ADGRL3: variants seen among roughly 807,000 people sequenced by gnomAD.
The protein encoded by ADGRL3 is adhesion G protein-coupled receptor L3, also known as calcium-independent alpha-latrotoxin receptor 3.
A neutral mutation model predicts 153.5 loss-of-function variants in ADGRL3; 62 were observed. The observed-to-expected ratio is 0.40, with a 90% confidence interval of 0.33 to 0.50. The LOEUF (loss-of-function observed/expected upper bound fraction) is 0.50. Among genes scored for constraint, ADGRL3 ranks in the 20% least tolerant of loss-of-function variants. The pLI, the probability that ADGRL3 is intolerant of heterozygous loss-of-function variation, is 0.47. For synonymous variants in ADGRL3, 710 were observed against 672.5 expected, an observed-to-expected ratio of 1.06 and a Z score of -0.86; for missense variants, 1,641 against 1,859.4, an observed-to-expected ratio of 0.88 and a Z score of 2.16.
intron 13 of ADGRL3, among the ~76,000 whole-genome samples, chr4:61,924,167 TC>T (rs996499623): frequency 3.3e-5 from 5 of 152,098 alleles, no homozygotes; most frequent in Admixed American, 6.6e-5. Flanking sequence ...CCTTACTTGA[TC>T]AATTAGAAAC....
At chr4:61,913,771 A>C (rs1430523803) in intron 13 of ADGRL3, among the ~76,000 whole-genome samples, 1 of 152,172 alleles carries the variant, frequency 6.6e-6, no homozygotes, top group Non-Finnish European at 1.5e-5. Flanking sequence ...ATAATTAGAA[A>C]GTGACTTAGT....
intron 8 of ADGRL3, among the ~76,000 whole-genome samples, chr4:61,803,527 CTT>C (rs1435883894): frequency 6.6e-6 from 1 of 152,038 alleles, no homozygotes; most frequent in Admixed American, 6.6e-5. Flanking sequence ...TTCACTCACT[CTT>C]TCTTTGCTTT....
chr4:61,474,323 G>GA (rs1477152197), intron 2 of ADGRL3, among the ~76,000 whole-genome samples: 2 of 152,088 alleles, frequency 1.3e-5, no homozygotes, highest in African/African-American at 2.4e-5. Flanking sequence ...GAATGACAGT[G>GA]AAAAAATCAA....
chr4:61,701,336 A>G (rs983480738), intron 6 of ADGRL3, among the ~76,000 whole-genome samples: 2 of 152,118 alleles, frequency 1.3e-5, no homozygotes, highest in African/African-American at 4.8e-5. Context: ...AATATCAGCC[A>G]CACAGTGTAT....
chr4:61,468,981 C>T (rs951925556), intron 2 of ADGRL3, among the ~76,000 whole-genome samples: 4 of 152,132 alleles, frequency 2.6e-5, no homozygotes, highest in Middle Eastern at 3.4e-3. Flanking sequence ...TACCTTGAGC[C>T]GGACTCAGAG....
chr4:61,520,900 T>C (rs1336900165), intron 4 of ADGRL3, among the ~76,000 whole-genome samples: 3 of 152,016 alleles, frequency 2.0e-5, no homozygotes, highest in African/African-American at 7.3e-5. Context: ...TAAGTGACTG[T>C]CAGCCTGAAT....
intron 11 of ADGRL3, among the ~76,000 whole-genome samples, chr4:61,896,186 A>G (rs1315996594): frequency 6.6e-6 from 1 of 152,164 alleles, no homozygotes; most frequent in African/African-American, 2.4e-5. Flanking sequence ...TAATTTTTCA[A>G]AGTCTACCTT....
intron 5 of ADGRL3, among the ~76,000 whole-genome samples, chr4:61,614,744 C>T (rs988053344): frequency 2.0e-5 from 3 of 152,246 alleles, no homozygotes; most frequent in Non-Finnish European, 2.9e-5. Flanking sequence ...ATAGCACCCA[C>T]CCGCATCAGA....
At chr4:61,966,214 C>T (rs2099006045) in intron 17 of ADGRL3, among the ~76,000 whole-genome samples, 1 of 151,946 alleles carries the variant, frequency 6.6e-6, no homozygotes, top group Non-Finnish European at 1.5e-5. Flanking sequence ...TTGTTCAGTA[C>T]CTGGCACATA....
At position 61,861,524 on chromosome 4, in the gene ADGRL3, T is replaced by C. The variant is rs983216452; in HGVS notation, c.1481-31132T>C. On this transcript the variant is annotated intron_variant, in intron 9 of 26. Coordinates refer to ENST00000683033, the MANE Select transcript of ADGRL3 (RefSeq NM_001387552.1). Reference sequence around the variant, plus strand: ...AAATAGATACAAAGATGATACCTTTTGGATTAGGTGGGGTTGTGATTATCT... The same window carrying C: ...AAATAGATACAAAGATGATACCTTTCGGATTAGGTGGGGTTGTGATTATCT... Among the ~76,000 whole-genome samples the C allele has an allele frequency of 2.0e-5, 3 of 152,054 alleles. No homozygotes were observed. In the South Asian group the frequency reaches 6.2e-4, roughly 32 times the overall value.
At chr4:61,286,386 G>T (rs2093944493) in intron 1 of ADGRL3, among the ~76,000 whole-genome samples, 3 of 150,308 alleles carry the variant, frequency 2.0e-5, no homozygotes, top group African/African-American at 2.4e-5. Flanking sequence ...ACCTCATCAT[G>T]CTAGCTAGCT....
rs1428075830 is a variant in ADGRL3, at chr4:61,201,077, C to T, written c.-928C>T. Among the ~76,000 whole-genome samples, 1 of 152,042 alleles carries T rather than the reference C, an allele frequency of 6.6e-6. No homozygotes were observed. The highest frequency in any genetic ancestry group is 1.5e-5 in the Non-Finnish European group (1 of 67,998). On this transcript the variant is annotated 5_prime_UTR_variant, in exon 1 of 27. Transcript: ENST00000683033. ...GAGGACGAAGAGGAGGACGGTTTGG[C>T]GGAGAAGCCACCCCTGGCCCTCGCG...
At chr4:61,306,439 C>T (rs1231462020) in intron 1 of ADGRL3, among the ~76,000 whole-genome samples, 1 of 150,916 alleles carries the variant, frequency 6.6e-6, no homozygotes, top group Non-Finnish European at 1.5e-5. Flanking sequence ...TAAAGATAAG[C>T]AGAGTTAAGA....
At chr4:61,236,012 T>TTC (rs1553882996) in intron 1 of ADGRL3, among the ~76,000 whole-genome samples, 2 of 139,364 alleles carry the variant, frequency 1.4e-5, no homozygotes, top group Non-Finnish European at 3.1e-5. Context: ...TCTTTTCTTT[T>TTC]TTTTTTTTTT....
At chr4:61,420,947 C>A (rs868616401) in intron 2 of ADGRL3, among the ~76,000 whole-genome samples, 4 of 152,102 alleles carry the variant, frequency 2.6e-5, no homozygotes, top group Non-Finnish European at 5.9e-5. Context: ...GGCCTATATT[C>A]AAGTTTTAGC....
intron 9 of ADGRL3, among the ~76,000 whole-genome samples, chr4:61,881,356 A>G (rs1332309710): frequency 6.6e-6 from 1 of 152,166 alleles, no homozygotes; most frequent in African/African-American, 2.4e-5. Flanking sequence ...TAAATTTTCT[A>G]TTTCCAAACA....
chr4:61,820,940 G>A (rs1291274892), intron 9 of ADGRL3, among the ~76,000 whole-genome samples: 5 of 152,122 alleles, frequency 3.3e-5, no homozygotes, highest in Non-Finnish European at 7.4e-5. Context: ...CAATGAAGGT[G>A]GTTGGGTGGG....
At chr4:61,563,814 C>G (rs1196239094) in intron 4 of ADGRL3, among the ~76,000 whole-genome samples, 1 of 152,030 alleles carries the variant, frequency 6.6e-6, no homozygotes, top group African/African-American at 2.4e-5. Flanking sequence ...TTGAGACCAC[C>G]CTGGCCAACA....
chr4:61,690,391 T>C (rs537743575), intron 6 of ADGRL3, among the ~76,000 whole-genome samples: 1 of 151,822 alleles, frequency 6.6e-6, no homozygotes, highest in African/African-American at 2.4e-5. Flanking sequence ...TGCAGTGTCA[T>C]ACCACTGCAC....
Sources: gnomAD v4.1 joint callset for allele counts (sites outside exome capture counted in the v4.1 genomes callset) on GRCh38, gnomAD v4.1.1 for gene constraint, MANE v1.5 for transcripts, NCBI Gene and HGNC (gene_info 2026-07-23, HGNC 2026-07-21) for gene names.